TYW1B: variants seen among roughly 807,000 people sequenced by gnomAD.
The protein encoded by TYW1B is S-adenosyl-L-methionine-dependent tRNA 4-demethylwyosine synthase TYW1B.
In TYW1B, 73 loss-of-function variants were observed where a neutral mutation model predicts 86.9. The observed-to-expected ratio is 0.84, with a 90% CI of 0.70 to 1.02. The LOEUF is 1.02. TYW1B is among the 50% of genes least tolerant of loss of function. The pLI is 0.00. For missense variants in TYW1B, 637 were observed against 827.4 expected (o/e 0.77, Z 2.82); for synonymous variants, 248 against 292.8 (o/e 0.85, Z 1.56).
intron 11 of TYW1B, among the ~76,000 whole-genome samples, chr7:72,673,519 T>G (rs1188741146): frequency 2.6e-5 from 4 of 152,198 alleles, no homozygotes; most frequent in Non-Finnish European, 5.9e-5. Context: ...CATCACGTGT[T>G]CTCACTTAAT....
chr7:72,780,059 CT>C (rs1788024612), intron 6 of TYW1B, among the ~76,000 whole-genome samples: 1 of 152,108 alleles, frequency 6.6e-6, no homozygotes, highest in Non-Finnish European at 1.5e-5. Flanking sequence ...ATGTAATTAG[CT>C]TAATGCTAGG....
At chr7:72,632,804 C>T (rs1812573711) in intron 11 of TYW1B, among the ~76,000 whole-genome samples, 1 of 152,098 alleles carries the variant, frequency 6.6e-6, no homozygotes, top group African/African-American at 2.4e-5. Context: ...TACAACAAAT[C>T]TCACAAAATA....
chr7:72,794,698 T>G (rs558760551), intron 6 of TYW1B, among the ~76,000 whole-genome samples: 1 of 152,176 alleles, frequency 6.6e-6, no homozygotes, highest in African/African-American at 2.4e-5. Flanking sequence ...TCATGGAAGA[T>G]ATCTCCAAAG....
intron 7 of TYW1B, among the ~76,000 whole-genome samples, chr7:72,754,996 A>G (rs1357518801): frequency 1.3e-5 from 2 of 152,224 alleles, no homozygotes; most frequent in Admixed American, 1.3e-4. Context: ...AACAAAAGGC[A>G]CTGAGTCTGA....
intron 6 of TYW1B, among the ~76,000 whole-genome samples, chr7:72,798,037 A>ATG (rs1554474774): frequency 6.8e-5 from 3 of 43,856 alleles, no homozygotes; most frequent in Non-Finnish European, 1.5e-4. Context: ...ACACACACAC[A>ATG]CGCACACACA....
intron 6 of TYW1B, among the ~76,000 whole-genome samples, chr7:72,792,067 C>T (rs782010704): frequency 6.6e-6 from 1 of 152,094 alleles, no homozygotes; most frequent in Admixed American, 6.6e-5. Flanking sequence ...CAGTGGCTCA[C>T]GCTTGTAATC....
Position 72,624,182 on chromosome 7 carries a change from AC to A in TYW1B, c.1617+4704del, listed in dbSNP as rs1812287949. On this transcript the variant is annotated intron_variant, in intron 12 of 13. Coordinates refer to ENST00000620995, the MANE Select transcript of TYW1B (RefSeq NM_001145440.3). ...CAATGACAAAAAGATGTATTTTCAGACATTCTGTAGTTTAATCCTATTGAAC... is the reference window on the plus strand; with the variant it reads ...CAATGACAAAAAGATGTATTTTCAGAATTCTGTAGTTTAATCCTATTGAAC... Among the ~76,000 whole-genome samples the A allele has an allele frequency of 2.0e-5, 3 of 152,346 alleles. No individual in the cohort carries two copies. In the South Asian group the frequency reaches 6.2e-4, roughly 32 times the overall value.
intron 2 of TYW1B, among the ~76,000 whole-genome samples, chr7:72,822,514 C>T (rs1300079147): frequency 6.6e-6 from 1 of 152,182 alleles, no homozygotes; most frequent in Non-Finnish European, 1.5e-5. Flanking sequence ...ATAATCAAGT[C>T]ATCTACAAAT....
intron 10 of TYW1B, among the ~76,000 whole-genome samples, chr7:72,707,902 G>A (rs574955302): frequency 5.4e-4 from 83 of 152,320 alleles, no homozygotes; most frequent in Non-Finnish European, 8.7e-4. Flanking sequence ...AAGTTCTCAC[G>A]AGATGTGGTT....
rs782716633 is a variant in TYW1B at position 72,713,582 on chromosome 7, A to G, written c.1370+39T>C. ...TTAGTTTTACTTTGCAGTGAAACAT[A>G]GATTCAAGCAGCATCTCTCCATAGG... On this transcript the variant is annotated intron_variant, in intron 10 of 13. Transcript: ENST00000620995. 4.6e-6 allele frequency: 7 copies of G among 1,531,760 alleles called. No homozygotes were observed. In the East Asian group the frequency reaches 1.1e-4, roughly 25 times the overall value. The allele number at this position is 1,531,760 out of a possible 1,614,324, so 94.9% of individuals were successfully genotyped here. A position where few individuals can be genotyped will look rare whatever the true frequency, so the allele number is the denominator to read the frequency against.
intron 6 of TYW1B, among the ~76,000 whole-genome samples, chr7:72,798,183 C>A (rs1788342224): frequency 6.6e-6 from 1 of 152,004 alleles, no homozygotes; most frequent in South Asian, 2.1e-4. Context: ...GCGGGCAGAT[C>A]ACGAGGTCAG....
At chr7:72,678,780 T>C (rs1233858282) in intron 11 of TYW1B, among the ~76,000 whole-genome samples, 2 of 152,012 alleles carry the variant, frequency 1.3e-5, no homozygotes. Flanking sequence ...GACTTCATGA[T>C]CCGCCTGCCT....
intron 11 of TYW1B, among the ~76,000 whole-genome samples, chr7:72,664,074 C>T (rs868992822): frequency 3.3e-5 from 5 of 151,988 alleles, no homozygotes; most frequent in African/African-American, 9.7e-5. Context: ...ACCAACAACC[C>T]TCCCCTCAAA....
At chr7:72,761,675 T>C (rs1338525792) in intron 7 of TYW1B, among the ~76,000 whole-genome samples, 1 of 151,876 alleles carries the variant, frequency 6.6e-6, no homozygotes, top group Non-Finnish European at 1.5e-5. Context: ...TTAAAGGCTA[T>C]TTCAAAATAT....
intron 11 of TYW1B, among the ~76,000 whole-genome samples, chr7:72,636,935 C>G (rs1554440835): frequency 2.6e-5 from 4 of 152,056 alleles, no homozygotes; most frequent in Admixed American, 1.3e-4. Context: ...CCAGCACTTT[C>G]GGAGGCTGAG....
chr7:72,778,905 T>G (rs1788001258), intron 6 of TYW1B, among the ~76,000 whole-genome samples: 1 of 150,580 alleles, frequency 6.6e-6, no homozygotes. Flanking sequence ...ATGACCCTCA[T>G]TCACTCTGTC....
intron 2 of TYW1B, among the ~76,000 whole-genome samples, chr7:72,821,362 C>T (rs1417363197): frequency 1.3e-5 from 2 of 152,256 alleles, no homozygotes; most frequent in Non-Finnish European, 2.9e-5. Flanking sequence ...AAAAATACTA[C>T]TGCAAGGACA....
At chr7:72,714,021 CA>C (rs1161847386) in intron 9 of TYW1B, among the ~76,000 whole-genome samples, 2 of 150,230 alleles carry the variant, frequency 1.3e-5, no homozygotes, top group Non-Finnish European at 3.0e-5. Flanking sequence ...TCAATACAAG[CA>C]GGCAAAACTA....
Position 72,628,959 on chromosome 7 carries a change from T to C in TYW1B, c.1545A>G (p.Ala515=), listed in dbSNP as rs782534545. ...RTVYRLMLVK[A]WNVDELQAYA... is the part of the protein sequence containing the mutation. ...AGGCCTGGAGCTCGTCCACGTTCCA[T>C]GCTTTCACGAGCATCAGTCTGTAGA... The change falls in exon 12 of 14, where the codon GCA becomes GCG. Residue 515 remains alanine (A), a synonymous_variant. Coordinates refer to ENST00000620995, the MANE Select transcript of TYW1B (RefSeq NM_001145440.3). The C allele has an allele frequency of 4.4e-6, 7 of 1,588,096 alleles. No individual in the cohort carries two copies. The highest frequency in any genetic ancestry group is 6.0e-6 in the Non-Finnish European group (7 of 1,168,146).
Sources: allele counts gnomAD v4.1 joint callset (sites outside exome capture counted in the v4.1 genomes callset), GRCh38; gene constraint gnomAD v4.1.1; transcripts MANE v1.5; gene names NCBI Gene and HGNC (gene_info 2026-07-23, HGNC 2026-07-21).